The following CPEB3 variants were observed in gnomAD, a reference collection of about 807,000 sequenced individuals.
CPEB3 encodes the protein cytoplasmic polyadenylation element binding protein 3.
A neutral mutation model predicts 67.2 loss-of-function variants in CPEB3; 20 were observed. The ratio of observed to expected loss-of-function variants is 0.30; its 90% confidence interval spans 0.21 to 0.43. The LOEUF is 0.43. Ranked by LOEUF, CPEB3 falls within the 20% of genes least tolerant of loss-of-function variation. The pLI, the probability that CPEB3 is intolerant of heterozygous loss-of-function variation, is 1.00. For missense variants in CPEB3, 746 were observed against 968.6 expected (o/e 0.77, Z 3.05); for synonymous variants, 376 against 393.1 (o/e 0.96, Z 0.51).
At chr10:92,149,262 C>T (rs1043167027) in intron 4 of CPEB3, among the ~76,000 whole-genome samples, 1 of 152,200 alleles carries the variant, frequency 6.6e-6, no homozygotes, top group Non-Finnish European at 1.5e-5. Context: ...CTCACATAAT[C>T]CATCTTCTGT....
intron 9 of CPEB3, among the ~76,000 whole-genome samples, chr10:92,073,882 C>T (rs1842847169): frequency 6.6e-6 from 1 of 152,188 alleles, no homozygotes; most frequent in Non-Finnish European, 1.5e-5. Flanking sequence ...GAGGGTTGGA[C>T]CAGGTCATGC....
intron 6 of CPEB3, among the ~76,000 whole-genome samples, chr10:92,138,692 C>T (rs964994488): frequency 1.3e-5 from 2 of 152,040 alleles, no homozygotes; most frequent in East Asian, 1.9e-4. Flanking sequence ...AAAAGACAGG[C>T]TATAAGAAAT....
chr10:92,211,487 T>C (rs1423923124), intron 2 of CPEB3, among the ~76,000 whole-genome samples: 1 of 151,748 alleles, frequency 6.6e-6, no homozygotes, highest in East Asian at 1.9e-4. Context: ...ACACAAACTA[T>C]CTAAGCTCAA....
chr10:92,264,871 T>TA (rs1404999820), intron 1 of CPEB3, among the ~76,000 whole-genome samples: 2 of 151,850 alleles, frequency 1.3e-5, no homozygotes, highest in South Asian at 2.1e-4. Flanking sequence ...CTCTTGTCTA[T>TA]AAAAAAAATT....
At chr10:92,183,285 G>GT (rs1211342618) in intron 3 of CPEB3, among the ~76,000 whole-genome samples, 5 of 144,814 alleles carry the variant, frequency 3.5e-5, no homozygotes, top group African/African-American at 5.2e-5. Flanking sequence ...TACATGTACT[G>GT]TATCTATATA....
intron 6 of CPEB3, among the ~76,000 whole-genome samples, chr10:92,139,170 G>A (rs923991181): frequency 3.9e-5 from 6 of 151,914 alleles, no homozygotes; most frequent in East Asian, 1.9e-4. Context: ...CCAGCTACTC[G>A]GGAGGCTGAG....
At chr10:92,260,424 G>A (rs1022068670) in intron 1 of CPEB3, among the ~76,000 whole-genome samples, 1 of 151,656 alleles carries the variant, frequency 6.6e-6, no homozygotes, top group African/African-American at 2.4e-5. Flanking sequence ...GGTGGCATGC[G>A]CCTGTAATCC....
chr10:92,230,353 C>T (rs764400049), intron 2 of CPEB3, among the ~76,000 whole-genome samples: 2 of 152,162 alleles, frequency 1.3e-5, no homozygotes, highest in East Asian at 1.9e-4. Context: ...ATAATCAGTA[C>T]ACAATGTTTC....
chr10:92,080,561 A>T (rs1011648231), intron 9 of CPEB3, among the ~76,000 whole-genome samples: 2 of 150,796 alleles, frequency 1.3e-5, no homozygotes, highest in Admixed American at 1.3e-4. Flanking sequence ...CAGCTATTTG[A>T]CTCCAATGAT....
intron 6 of CPEB3, among the ~76,000 whole-genome samples, chr10:92,112,247 C>T (rs918042551): frequency 2.0e-5 from 3 of 150,492 alleles, no homozygotes; most frequent in African/African-American, 7.3e-5. Context: ...CGGGTTCAAG[C>T]AGTTCGTGTG....
chr10:92,057,332 G>A (rs1334184343), intron 9 of CPEB3, among the ~76,000 whole-genome samples: 2 of 152,256 alleles, frequency 1.3e-5, no homozygotes, highest in African/African-American at 4.8e-5. Flanking sequence ...ATGGCTTGGG[G>A]TGGCGGTGGC....
intron 9 of CPEB3, among the ~76,000 whole-genome samples, chr10:92,075,853 CAA>C (rs1473409493): frequency 1.3e-5 from 2 of 152,154 alleles, no homozygotes; most frequent in East Asian, 3.8e-4. Flanking sequence ...TATAAACTCT[CAA>C]AAGAGATATC....
chr10:92,227,137 G>A (rs1027437209), intron 2 of CPEB3, among the ~76,000 whole-genome samples: 3 of 152,146 alleles, frequency 2.0e-5, no homozygotes, highest in African/African-American at 7.2e-5. Flanking sequence ...AAAACAAAAG[G>A]TCAGGGAGAC....
chr10:92,092,875 A>G (rs112345852), intron 7 of CPEB3, among the ~76,000 whole-genome samples: 75 of 152,174 alleles, frequency 4.9e-4, no homozygotes, highest in African/African-American at 1.6e-3. Flanking sequence ...GTTTAAGTAA[A>G]TTTTTTTAAA....
chr10:92,288,571 A>G (rs1267017096), intron 1 of CPEB3, among the ~76,000 whole-genome samples: 1 of 152,174 alleles, frequency 6.6e-6, no homozygotes, highest in East Asian at 1.9e-4. Context: ...ACTGGGTCAC[A>G]TGCTAATCAC....
At chr10:92,268,919 C>G (rs1249553209) in intron 1 of CPEB3, among the ~76,000 whole-genome samples, 3 of 151,988 alleles carry the variant, frequency 2.0e-5, no homozygotes, top group South Asian at 4.2e-4. Flanking sequence ...GCACAATTGG[C>G]AAATACACTT....
intron 6 of CPEB3, among the ~76,000 whole-genome samples, chr10:92,120,835 G>A (rs1845333608): frequency 4.6e-5 from 7 of 151,744 alleles, no homozygotes; most frequent in Admixed American, 4.6e-4. Flanking sequence ...CAAGTAGCTG[G>A]GATTACAGGC....
At chr10:92,251,537 A>G (rs1188292819) in intron 1 of CPEB3, among the ~76,000 whole-genome samples, 1 of 152,222 alleles carries the variant, frequency 6.6e-6, no homozygotes, top group Non-Finnish European at 1.5e-5. Flanking sequence ...TTCCAAAAAC[A>G]GTAACAGTAA....
At chr10:92,057,222 G>A (rs1183082411) in intron 9 of CPEB3, among the ~76,000 whole-genome samples, 1 of 152,162 alleles carries the variant, frequency 6.6e-6, no homozygotes, top group African/African-American at 2.4e-5. Context: ...CTGGGCCAGA[G>A]GGGAGCCTAG....
Sources: gnomAD v4.1 joint callset for allele counts (sites outside exome capture counted in the v4.1 genomes callset) on GRCh38, gnomAD v4.1.1 for gene constraint, MANE v1.5 for transcripts, NCBI Gene and HGNC (gene_info 2026-07-23, HGNC 2026-07-21) for gene names.